The following ROBO2 variants were observed in gnomAD, a reference collection of about 807,000 sequenced individuals.
ROBO2 encodes the protein roundabout guidance receptor 2, also known as roundabout homolog 2.
A neutral mutation model predicts 160.8 loss-of-function variants in ROBO2; 53 were observed. The ratio of observed to expected loss-of-function variants is 0.33; its 90% CI spans 0.26 to 0.41. The LOEUF (loss-of-function observed/expected upper bound fraction) is 0.41. ROBO2 is among the 10% of genes least tolerant of loss of function. The probability of loss-of-function intolerance (pLI) is 1.00; values close to 1 mark genes in which losing one functional copy is unlikely to be tolerated. For synonymous variants in ROBO2, 664 were observed against 611.7 expected (o/e 1.09, Z -1.26); for missense variants, 1,577 against 1,722.4 (o/e 0.92, Z 1.49).
intron 2 of ROBO2, among the ~76,000 whole-genome samples, chr3:76,926,985 G>A (rs1215767964): frequency 6.6e-6 from 1 of 151,864 alleles, no homozygotes; most frequent in Non-Finnish European, 1.5e-5. Context: ...AAAATTTCCT[G>A]TTGCCCAGCC....
chr3:76,240,783 G>T (rs533683694), intron 2 of ROBO2, among the ~76,000 whole-genome samples: 1 of 152,092 alleles, frequency 6.6e-6, no homozygotes, highest in Non-Finnish European at 1.5e-5. Flanking sequence ...GTTGTGGAAT[G>T]ATCAGAAATT....
chr3:77,554,521 C>T (rs2153656084), intron 8 of ROBO2, among the ~76,000 whole-genome samples: 1 of 152,010 alleles, frequency 6.6e-6, no homozygotes, highest in South Asian at 2.1e-4. Context: ...AAGGATATAC[C>T]ATTATAGATG....
At chr3:75,952,070 G>A (rs1286740635) in intron 2 of ROBO2, among the ~76,000 whole-genome samples, 2 of 151,988 alleles carry the variant, frequency 1.3e-5, no homozygotes, top group African/African-American at 4.8e-5. Flanking sequence ...GGACTTCAAT[G>A]TCTTACATTT....
chr3:77,039,443 G>T (rs888232244), upstream of ROBO2, among the ~76,000 whole-genome samples: 2 of 152,168 alleles, frequency 1.3e-5, no homozygotes, highest in African/African-American at 4.8e-5. Context: ...ATTAGGAAGG[G>T]CTTCCATGAA....
chr3:76,442,347 A>C (rs2076962382), intron 2 of ROBO2, among the ~76,000 whole-genome samples: 1 of 152,208 alleles, frequency 6.6e-6, no homozygotes, highest in African/African-American at 2.4e-5. Context: ...GGGTGTGTCC[A>C]GTAAATCTCT....
At chr3:77,645,818 C>T (rs2095407634) in intron 25 of ROBO2, among the ~76,000 whole-genome samples, 3 of 152,196 alleles carry the variant, frequency 2.0e-5, no homozygotes, top group African/African-American at 7.2e-5. Context: ...TAATGACAGA[C>T]TCACAGGAGT....
chr3:77,630,768 C>G (rs756646406), intron 23 of ROBO2: 5 of 151,724 alleles, frequency 3.3e-5, no homozygotes, highest in Non-Finnish European at 7.4e-5. Flanking sequence ...AGGAGTAAAA[C>G]AAGATGAAGA....
intron 2 of ROBO2, among the ~76,000 whole-genome samples, chr3:76,995,771 A>G (rs944005436): frequency 6.6e-6 from 1 of 152,104 alleles, no homozygotes; most frequent in African/African-American, 2.4e-5. Context: ...GTCTGTTCAT[A>G]TCGTTTGCCC....
At chr3:76,214,529 T>C (rs1056393785) in intron 2 of ROBO2, among the ~76,000 whole-genome samples, 2 of 152,186 alleles carry the variant, frequency 1.3e-5, no homozygotes, top group Non-Finnish European at 2.9e-5. Context: ...CGCACCTGGC[T>C]TGGAGGGTCC....
intron 1 of ROBO2, among the ~76,000 whole-genome samples, chr3:77,071,509 A>G (rs1166098700): frequency 1.3e-5 from 2 of 152,208 alleles, no homozygotes; most frequent in African/African-American, 4.8e-5. Context: ...CATAAATGAA[A>G]AATGAAGTGG....
rs1228450331 is a variant in ROBO2 at position 76,398,655 on chromosome 3, T to TTAAACTAAATATACTAGTAGTATATTC, written c.109+461070_109+461096dup. Among the ~76,000 whole-genome samples the TTAAACTAAATATACTAGTAGTATATTC allele has an allele frequency of 1.3e-3, 196 of 151,816 alleles. 1 individual carries two copies. Among genetic ancestry groups the TTAAACTAAATATACTAGTAGTATATTC allele is most frequent in the African/African-American group, 4.4e-3 (181 of 41,450 alleles). Reference sequence around the variant, plus strand: ...TATAAATTATAGTTTTTAGTATATTTTAAACTAAATATACTAGTAGTATAT... The same window carrying TTAAACTAAATATACTAGTAGTATATTC: ...TATAAATTATAGTTTTTAGTATATTTTAAACTAAATATACTAGTAGTATATTCTAAACTAAATATACTAGTAGTATAT... On this transcript the variant is annotated intron_variant, in intron 2 of 26. Transcript: ENST00000487694.
At chr3:76,747,023 G>A (rs918646573) in intron 2 of ROBO2, among the ~76,000 whole-genome samples, 13 of 152,178 alleles carry the variant, frequency 8.5e-5, no homozygotes, top group African/African-American at 2.9e-4. Flanking sequence ...TGGTGTATAT[G>A]TACCACATTT....
intron 1 of ROBO2, among the ~76,000 whole-genome samples, chr3:77,080,617 A>T (rs1000791659): frequency 6.6e-6 from 1 of 152,110 alleles, no homozygotes; most frequent in African/African-American, 2.4e-5. Context: ...TACTTACAGG[A>T]GAAAAAAATC....
At chr3:76,875,316 A>G (rs917154337) in intron 2 of ROBO2, among the ~76,000 whole-genome samples, 1 of 152,202 alleles carries the variant, frequency 6.6e-6, no homozygotes, top group African/African-American at 2.4e-5. Flanking sequence ...TTCTTTGTAA[A>G]TTACCAGTCT....
chr3:76,718,837 A>T (rs567625756), intron 2 of ROBO2, among the ~76,000 whole-genome samples: 1 of 152,170 alleles, frequency 6.6e-6, no homozygotes, highest in Admixed American at 6.5e-5. Flanking sequence ...ACTGAAAACC[A>T]TTGCCTAGAA....
chr3:76,176,098 C>A (rs2073221080), intron 2 of ROBO2, among the ~76,000 whole-genome samples: 1 of 151,920 alleles, frequency 6.6e-6, no homozygotes, highest in East Asian at 1.9e-4. Context: ...ACACATGCTG[C>A]TTCTCTAAAA....
chr3:76,125,913 G>A (rs149494991), intron 2 of ROBO2, among the ~76,000 whole-genome samples: 10 of 152,108 alleles, frequency 6.6e-5, no homozygotes, highest in African/African-American at 1.9e-4. Flanking sequence ...TGCAACCTCC[G>A]CTTCCTGGAT....
In ROBO2 at chr3:77,449,064, C is replaced by T. The variant is rs931930034; in HGVS notation, c.389-28350C>T. Among the ~76,000 whole-genome samples, 100 of 151,984 alleles carry T rather than the reference C, an allele frequency of 6.6e-4. 1 individual carries two copies. Among genetic ancestry groups the T allele is most frequent in the African/African-American group, 2.3e-3 (95 of 41,384 alleles). ...GAAAAGAAAGGTAAACATTTCTAAG[C>T]ATACTGAGTATTCAATTAGATATGC... On this transcript the variant is annotated intron_variant, in intron 2 of 25. Transcript: ENST00000461745.
intron 2 of ROBO2, among the ~76,000 whole-genome samples, chr3:77,165,843 A>G (rs1319529168): frequency 6.6e-6 from 1 of 152,106 alleles, no homozygotes; most frequent in African/African-American, 2.4e-5. Flanking sequence ...GACTCCATAG[A>G]GCTGTCTTCT....
Sources: gnomAD v4.1 joint callset for allele counts (sites outside exome capture counted in the v4.1 genomes callset) on GRCh38, gnomAD v4.1.1 for gene constraint, MANE v1.5 for transcripts, NCBI Gene and HGNC (gene_info 2026-07-23, HGNC 2026-07-21) for gene names.